PAK3: variants seen among roughly 807,000 people sequenced by gnomAD.
PAK3 encodes the protein p21 (RAC1) activated kinase 3, also known as serine/threonine-protein kinase PAK 3.
A neutral mutation model predicts 41.0 loss-of-function variants in PAK3; 4 were observed. The ratio of observed to expected loss-of-function variants is 0.10; its 90% CI spans 0.05 to 0.22. PAK3 has a LOEUF of 0.22. Among genes scored for constraint, PAK3 ranks in the 10% least tolerant of loss-of-function variants. The probability of loss-of-function intolerance (pLI) is 1.00; values close to 1 mark genes in which losing one functional copy is unlikely to be tolerated. For missense variants in PAK3, 205 were observed against 409.9 expected, an observed-to-expected ratio of 0.50 and a Z score of 4.32; for synonymous variants, 146 against 139.6, an observed-to-expected ratio of 1.05 and a Z score of -0.32.
Position 110,990,662 on chromosome X carries a change from T to G in PAK3, c.-28+46034T>G, listed in dbSNP as rs1349946956. On this transcript the variant is annotated intron_variant, in intron 1 of 14. Transcript: ENST00000425146. ...AGGAGTTAAAAAAAAAAAAAGGATATTCTTTTACTGGTCAGGGGCAACAGC... is the reference window on the plus strand; with the variant it reads ...AGGAGTTAAAAAAAAAAAAAGGATAGTCTTTTACTGGTCAGGGGCAACAGC... Among the ~76,000 whole-genome samples, 4 of 110,592 alleles carry G rather than the reference T, an allele frequency of 3.6e-5. No homozygotes were observed. The East Asian group carries it at 1.1e-3, about 32-fold the overall frequency.
intron 1 of PAK3, among the ~76,000 whole-genome samples, chrX:111,001,672 A>C (rs997081850): frequency 2.7e-5 from 3 of 112,408 alleles, no homozygotes; most frequent in African/African-American, 9.7e-5. Context: ...CTGGTAATGC[A>C]TGCACTAAAC....
chrX:111,003,911 C>T (rs2091885616), intron 1 of PAK3, among the ~76,000 whole-genome samples: 1 of 112,579 alleles, frequency 8.9e-6, no homozygotes, highest in Non-Finnish European at 1.9e-5. Flanking sequence ...CTGCAACTTA[C>T]TGGCCACTTG....
Position 110,983,690 on chromosome X carries a change from G to A in PAK3, c.-28+39062G>A, listed in dbSNP as rs374913808. Among the ~76,000 whole-genome samples, 504 of 111,546 alleles carry A rather than the reference G, an allele frequency of 4.5e-3. 3 individuals are homozygous for A. The highest frequency in any genetic ancestry group is 0.016 in the African/African-American group (481 of 30,677). The stretch of plus-strand genomic sequence containing the variant: ...TTACCAATTTTCCAGAGCCCCCCAC[G>A]CATAAAGTGCTTTAAGATCCTCAGT... On this transcript the variant is annotated intron_variant, in intron 1 of 14. Transcript: ENST00000425146.
chrX:111,036,130 C>T lies in PAK3; in HGVS notation c.-27-86947C>T, dbSNP rs192835356. On this transcript the variant is annotated intron_variant, in intron 1 of 14. Coordinates refer to the PAK3 transcript ENST00000425146. Reference sequence around the variant, plus strand: ...AATGTACTGCAGGGGGCTTGTTGAACACAGACCACAGTCCAATTGAGACAC... The same window carrying T: ...AATGTACTGCAGGGGGCTTGTTGAATACAGACCACAGTCCAATTGAGACAC... Among the ~76,000 whole-genome samples, 151 of 111,805 alleles carry T rather than the reference C, an allele frequency of 1.4e-3. 1 individual carries two copies. Among genetic ancestry groups the T allele is most frequent in the African/African-American group, 4.8e-3 (149 of 30,804 alleles).
chrX:111,044,051 CAG>C (rs2092475805), intron 1 of PAK3, among the ~76,000 whole-genome samples: 1 of 111,801 alleles, frequency 8.9e-6, no homozygotes, highest in South Asian at 3.7e-4. Context: ...TTTTAAAAAA[CAG>C]ATTTTCTGAT....
At chrX:111,173,568 A>T (rs1404119869) in intron 11 of PAK3, among the ~76,000 whole-genome samples, 2 of 111,271 alleles carry the variant, frequency 1.8e-5, no homozygotes, top group African/African-American at 6.5e-5. Context: ...GAGGAAACAG[A>T]CAATAATCCC....
At chrX:111,014,646 GCT>G (rs962162939) in intron 1 of PAK3, among the ~76,000 whole-genome samples, 1 of 111,430 alleles carries the variant, frequency 9.0e-6, no homozygotes, top group Non-Finnish European at 1.9e-5. Context: ...CGTTCGTTCT[GCT>G]CTCTGTCTTC....
intron 11 of PAK3, among the ~76,000 whole-genome samples, chrX:111,186,688 T>C (rs2094514180): frequency 9.0e-6 from 1 of 111,407 alleles, no homozygotes; most frequent in Non-Finnish European, 1.9e-5. Context: ...AGAATCAATA[T>C]CGTGAAAATG....
At chrX:111,007,579 G>T (rs1302089027) in intron 1 of PAK3, among the ~76,000 whole-genome samples, 1 of 111,421 alleles carries the variant, frequency 9.0e-6, no homozygotes, top group East Asian at 2.8e-4. Context: ...CCCATTTCAT[G>T]CTGGCTGTGG....
At chrX:111,015,373 A>G (rs2092073749) in intron 1 of PAK3, among the ~76,000 whole-genome samples, 1 of 110,990 alleles carries the variant, frequency 9.0e-6, no homozygotes, top group South Asian at 3.8e-4. Flanking sequence ...GGTTGCTTCC[A>G]CCTTTTGACT....
intron 1 of PAK3, among the ~76,000 whole-genome samples, chrX:110,949,740 G>A (rs993942318): frequency 2.7e-5 from 3 of 111,113 alleles, no homozygotes; most frequent in African/African-American, 6.6e-5. Context: ...GAATGGAATT[G>A]GATCCTGAAT....
At chrX:111,131,966 T>C (rs1217400904) in intron 5 of PAK3, among the ~76,000 whole-genome samples, 1 of 111,149 alleles carries the variant, frequency 9.0e-6, no homozygotes, top group Non-Finnish European at 1.9e-5. Context: ...AATCAGAGGA[T>C]GAAGCAAAAT....
intron 4 of PAK3, among the ~76,000 whole-genome samples, chrX:111,122,115 G>T (rs1409856818): frequency 9.3e-6 from 1 of 107,612 alleles, no homozygotes; most frequent in Non-Finnish European, 1.9e-5. Flanking sequence ...AATTAGCTGG[G>T]CGTGGTGGTG....
intron 1 of PAK3, among the ~76,000 whole-genome samples, chrX:111,006,849 C>CTTTCTTTCTTTCTTTCTTTCTTTTT (rs1556434441): frequency 1.2e-4 from 5 of 42,690 alleles, no homozygotes; most frequent in Non-Finnish European, 2.2e-4. Flanking sequence ...TTCTTTCTTT[C>CTTTCTTTCTTTCTTTCTTTCTTTTT]TTTTTTTTTT....
chrX:111,008,007 A>C (rs938925312), intron 1 of PAK3, among the ~76,000 whole-genome samples: 4 of 112,202 alleles, frequency 3.6e-5, no homozygotes, highest in Non-Finnish European at 7.5e-5. Flanking sequence ...TCTATAAAAT[A>C]GGGTCAATAA....
intron 1 of PAK3, among the ~76,000 whole-genome samples, chrX:111,086,414 A>T (rs1384958480): frequency 1.8e-5 from 2 of 111,254 alleles, no homozygotes; most frequent in Non-Finnish European, 3.8e-5. Flanking sequence ...GTGTAGGGAG[A>T]ATGGTGTTCT....
intron 1 of PAK3, among the ~76,000 whole-genome samples, chrX:111,001,615 C>A (rs1197408846): frequency 8.9e-6 from 1 of 112,021 alleles, no homozygotes; most frequent in African/African-American, 3.2e-5. Context: ...TGTTTATTAT[C>A]AAAAATTCTC....
At chrX:111,152,705 A>G in intron 8 of PAK3, 1 of 259,229 alleles carries the variant, frequency 3.9e-6, no homozygotes. Context: ...ATACCTACTT[A>G]CAGTTAACTC....
intron 1 of PAK3, among the ~76,000 whole-genome samples, chrX:111,057,668 A>G (rs1197991384): frequency 9.0e-6 from 1 of 111,619 alleles, no homozygotes; most frequent in Non-Finnish European, 1.9e-5. Flanking sequence ...AACTAATTGC[A>G]TTTTTTAATG....
Sources: gnomAD v4.1 joint callset for allele counts (sites outside exome capture counted in the v4.1 genomes callset) on GRCh38, gnomAD v4.1.1 for gene constraint, MANE v1.5 for transcripts, NCBI Gene and HGNC (gene_info 2026-07-23, HGNC 2026-07-21) for gene names.